KCNT2: variants seen among roughly 807,000 people sequenced by gnomAD.
The protein encoded by KCNT2 is potassium channel subfamily T member 2.
In KCNT2, 67 loss-of-function variants were observed where a neutral mutation model predicts 153.8. The ratio of observed to expected loss-of-function variants is 0.44; its 90% CI spans 0.36 to 0.53. The LOEUF (loss-of-function observed/expected upper bound fraction) is 0.53, where lower values mean the gene tolerates loss of function less well. Ranked by LOEUF, KCNT2 falls within the 20% of genes least tolerant of loss-of-function variation. KCNT2 has a pLI of 0.00. For missense variants in KCNT2, 975 were observed against 1,354.8 expected, an observed-to-expected ratio of 0.72 and a Z score of 4.40; for synonymous variants, 500 against 458.8, an observed-to-expected ratio of 1.09 and a Z score of -1.15.
intron 21 of KCNT2, among the ~76,000 whole-genome samples, chr1:196,310,566 T>A (rs1268253447): frequency 2.0e-5 from 3 of 151,888 alleles, no homozygotes; most frequent in South Asian, 2.1e-4. Flanking sequence ...TACTTATGGT[T>A]ATATTATTTA....
At chr1:196,396,082 T>C (rs1337127629) in intron 13 of KCNT2, among the ~76,000 whole-genome samples, 4 of 151,656 alleles carry the variant, frequency 2.6e-5, no homozygotes, top group Non-Finnish European at 4.4e-5. Flanking sequence ...TCTGTGGGTC[T>C]GCATGATTCC....
At chr1:196,491,083 A>C (rs1327297268) in intron 2 of KCNT2, among the ~76,000 whole-genome samples, 2 of 152,056 alleles carry the variant, frequency 1.3e-5, no homozygotes, top group Non-Finnish European at 2.9e-5. Flanking sequence ...GGTTTTATAG[A>C]AATGGGCCTC....
At chr1:196,536,432 C>A (rs1407613809) in intron 1 of KCNT2, among the ~76,000 whole-genome samples, 1 of 152,254 alleles carries the variant, frequency 6.6e-6, no homozygotes, top group Non-Finnish European at 1.5e-5. Context: ...ATTGAGCACA[C>A]TGTCCACTTC....
intron 1 of KCNT2, among the ~76,000 whole-genome samples, chr1:196,586,770 A>G (rs537136383): frequency 6.6e-6 from 1 of 152,184 alleles, no homozygotes; most frequent in South Asian, 2.1e-4. Flanking sequence ...CTCTTCCACC[A>G]TATCTTACCA....
chr1:196,460,037 G>A (rs531859760), intron 8 of KCNT2, among the ~76,000 whole-genome samples: 6 of 151,666 alleles, frequency 4.0e-5, no homozygotes, highest in African/African-American at 1.4e-4. Context: ...AACAGTTTCA[G>A]TAATTTTATT....
Position 196,342,152 on chromosome 1 carries a change from A to G in KCNT2, c.1480T>C (p.Leu494=). ...TCAGCAAAAAATGTACTTTCTTCCA[A>G]AACAATGTGGTAGACTTCATTCCCG... is the stretch of plus-strand genomic sequence containing the variant. ...CSGNEVYHIV[L]EESTFFAEYE... The change falls in exon 15 of 28, where the codon TTG becomes CTG. Residue 494 remains leucine, a synonymous_variant. Transcript: ENST00000294725. The G allele has an allele frequency of 6.2e-7, 1 of 1,611,304 alleles. No individual in the cohort carries two copies. Among genetic ancestry groups the G allele is most frequent in the Non-Finnish European group, 8.5e-7 (1 of 1,178,800 alleles).
chr1:196,389,547 T>C (rs553843129), intron 13 of KCNT2, among the ~76,000 whole-genome samples: 2 of 151,794 alleles, frequency 1.3e-5, no homozygotes, highest in South Asian at 4.1e-4. Flanking sequence ...TAGAATTAGT[T>C]TGATACCTTG....
At chr1:196,426,700 C>T (rs1673682831) in intron 10 of KCNT2, among the ~76,000 whole-genome samples, 1 of 151,630 alleles carries the variant, frequency 6.6e-6, no homozygotes, top group Non-Finnish European at 1.5e-5. Flanking sequence ...TACATTGATA[C>T]TAGATAAAGT....
chr1:196,358,001 T>C (rs937947384), intron 14 of KCNT2, among the ~76,000 whole-genome samples: 1 of 151,836 alleles, frequency 6.6e-6, no homozygotes, highest in Non-Finnish European at 1.5e-5. Context: ...TTCTTTTTTA[T>C]TTATTACGAC....
At position 196,282,369 on chromosome 1, in the gene KCNT2, C is replaced by T. The variant is rs1558097666; in HGVS notation, c.2698-13G>A. Reference sequence around the variant, plus strand: ...CCTTCACAAATGACTGCAATATAAACAAACAAACAATATATAAATGTATAT... The same window carrying T: ...CCTTCACAAATGACTGCAATATAAATAAACAAACAATATATAAATGTATAT... On this transcript the variant is annotated splice_polypyrimidine_tract_variant and intron_variant, in intron 23 of 27. Transcript: ENST00000294725. The T allele has an allele frequency of 2.2e-6, 3 of 1,347,034 alleles. No homozygotes were observed. Among genetic ancestry groups the T allele is most frequent in the Non-Finnish European group, 3.2e-6 (3 of 941,148 alleles). 83.4% of individuals were successfully genotyped at this position (1,347,034 alleles called of 1,614,324 possible).
rs191514103 is a variant in KCNT2, at chr1:196,520,464, G to A, written c.96-28123C>T. Among the ~76,000 whole-genome samples the A allele has an allele frequency of 7.2e-5, 11 of 151,754 alleles. No individual in the cohort carries two copies. In the East Asian group the frequency reaches 9.7e-4, roughly 13 times the overall value. Reference sequence around the variant, plus strand: ...TTGAAAGTCCTGGCCAGAGCAATCAGGCCCAAGAAAGAAATAAAGGGCATC... The same window carrying A: ...TTGAAAGTCCTGGCCAGAGCAATCAAGCCCAAGAAAGAAATAAAGGGCATC... On this transcript the variant is annotated intron_variant, in intron 1 of 27. Transcript: ENST00000294725.
chr1:196,528,122 AC>A (rs1263256116), intron 1 of KCNT2, among the ~76,000 whole-genome samples: 2 of 152,170 alleles, frequency 1.3e-5, no homozygotes, highest in Non-Finnish European at 2.9e-5. Context: ...TTCTGTCAAA[AC>A]ATCCGGTTTC....
chr1:196,404,247 G>T, intron 12 of KCNT2: 1 of 335,754 alleles, frequency 3.0e-6, no homozygotes, highest in Non-Finnish European at 4.2e-6. Context: ...TGTCACTTCT[G>T]GCTTGGAGTA....
chr1:196,445,155 C>T (rs946742557), intron 8 of KCNT2, among the ~76,000 whole-genome samples: 1 of 151,198 alleles, frequency 6.6e-6, no homozygotes, highest in Non-Finnish European at 1.5e-5. Context: ...AAGATATGTT[C>T]ACAGATTTGA....
intron 1 of KCNT2, among the ~76,000 whole-genome samples, chr1:196,555,582 G>A (rs1248978997): frequency 6.6e-6 from 1 of 151,248 alleles, no homozygotes; most frequent in Non-Finnish European, 1.5e-5. Context: ...ACGACCCAAA[G>A]CAATCTACTT....
At chr1:196,593,311 T>TATATATATATATATACAC (rs1256165838) in intron 1 of KCNT2, among the ~76,000 whole-genome samples, 5 of 140,204 alleles carry the variant, frequency 3.6e-5, no homozygotes, top group African/African-American at 1.4e-4. Context: ...TATATATATA[T>TATATATATATATATACAC]ACACACACAC....
intron 13 of KCNT2, among the ~76,000 whole-genome samples, chr1:196,382,056 T>C (rs1177103820): frequency 6.7e-6 from 1 of 149,880 alleles, no homozygotes; most frequent in Non-Finnish European, 1.5e-5. Context: ...GAAAAAAGCC[T>C]CACTTAAGGA....
intron 12 of KCNT2, 124 bp downstream of exon 12, chr1:196,422,926 T>C (rs1195952004): frequency 1.9e-6 from 1 of 535,806 alleles, no homozygotes; most frequent in Non-Finnish European, 3.3e-6. Flanking sequence ...GTAATATTTG[T>C]TTCCTTTTAG....
chr1:196,286,823 G>C (rs1027417393), intron 22 of KCNT2, among the ~76,000 whole-genome samples: 2 of 152,034 alleles, frequency 1.3e-5, no homozygotes, highest in Non-Finnish European at 2.9e-5. Flanking sequence ...TCTTGAGAAT[G>C]TAAGTTAAGC....
Sources: gnomAD v4.1 joint callset for allele counts (sites outside exome capture counted in the v4.1 genomes callset) on GRCh38, gnomAD v4.1.1 for gene constraint, MANE v1.5 for transcripts, NCBI Gene and HGNC (gene_info 2026-07-23, HGNC 2026-07-21) for gene names.